WDR4: variants seen among roughly 807,000 people sequenced by gnomAD.
The protein encoded by WDR4 is tRNA (guanine-N(7)-)-methyltransferase non-catalytic subunit WDR4.
Under a neutral mutation model 48.6 loss-of-function variants are expected in WDR4, and 47 were observed. That is an observed-to-expected ratio of 0.97 (90% CI 0.77 to 1.23). The LOEUF (loss-of-function observed/expected upper bound fraction) is 1.23. Ranked by LOEUF, WDR4 falls within the 50% of genes most tolerant of loss-of-function variation. The probability of loss-of-function intolerance (pLI) is 0.00; values close to 1 mark genes in which losing one functional copy is unlikely to be tolerated. For synonymous variants in WDR4, 268 were observed against 230.0 expected (o/e 1.17, Z -1.49); for missense variants, 606 against 551.6 (o/e 1.10, Z -0.99).
rs561879155 is a variant in WDR4 at position 42,858,695 on chromosome 21, C to A, written c.627+967G>T. Among the ~76,000 whole-genome samples the A allele has an allele frequency of 1.4e-4, 22 of 152,272 alleles. 1 individual carries two copies. In the South Asian group the frequency reaches 2.1e-3, roughly 14 times the overall value. ...AAAGACTGGAAGGTGCACAACAAAC[C>A]GCTGACGAAGCCTGACCCTGACCCT... On this transcript the variant is annotated intron_variant, in intron 6 of 10. Transcript: ENST00000398208.
chr21:42,861,595 T>C (rs967143152), intron 5 of WDR4, among the ~76,000 whole-genome samples: 3 of 151,996 alleles, frequency 2.0e-5, no homozygotes, highest in Non-Finnish European at 4.4e-5. Context: ...GCGAACTAAA[T>C]GCAAGTCAGA....
intron 3 of WDR4, among the ~76,000 whole-genome samples, chr21:42,871,560 C>A (rs1276991757): frequency 6.6e-6 from 1 of 152,234 alleles, no homozygotes; most frequent in African/African-American, 2.4e-5. Flanking sequence ...CAAGAGGATG[C>A]CGTTCACAGG....
At chr21:42,892,510 C>T in the WDR4 span, among the ~76,000 whole-genome samples, 1 of 151,844 alleles carries the variant, frequency 6.6e-6, no homozygotes, top group East Asian at 1.9e-4. Context: ...GGAATCCCTA[C>T]ACAATCCATT....
chr21:42,878,815 G>T (rs991098442), intron 1 of WDR4, among the ~76,000 whole-genome samples: 1 of 152,206 alleles, frequency 6.6e-6, no homozygotes, highest in African/African-American at 2.4e-5. Context: ...TGCGCACTGC[G>T]AGCTCCACGT....
intron 1 of WDR4, among the ~76,000 whole-genome samples, chr21:42,878,216 C>T (rs2146116444): frequency 6.6e-6 from 1 of 152,274 alleles, no homozygotes; most frequent in South Asian, 2.1e-4. Flanking sequence ...ATTTTCCATA[C>T]TGAACCTAAA....
intron 6 of WDR4, among the ~76,000 whole-genome samples, chr21:42,857,133 C>G (rs1342871924): frequency 6.6e-6 from 1 of 152,066 alleles, no homozygotes; most frequent in Non-Finnish European, 1.5e-5. Context: ...AACGGGACCT[C>G]CCTGATGCAT....
In WDR4 at chr21:42,872,946, A is replaced by G. The variant is rs78864840; in HGVS notation, c.296+605T>C. On this transcript the variant is annotated intron_variant, in intron 3 of 10. Coordinates refer to ENST00000398208, the MANE Select transcript of WDR4 (RefSeq NM_018669.6). ...AAGCAAAACTCCGTCTCAAAAAAATAAAAAAGGAGGAATAGGGAAGGCAGA... is the reference window on the plus strand; with the variant it reads ...AAGCAAAACTCCGTCTCAAAAAAATGAAAAAGGAGGAATAGGGAAGGCAGA... 2.0e-5 allele frequency among the ~76,000 whole-genome samples: 3 copies of G among 152,202 alleles called. 1 individual carries two copies. The South Asian group carries it at 6.2e-4, about 31-fold the overall frequency.
chr21:42,848,979 G>C (rs1159090817), downstream of WDR4, among the ~76,000 whole-genome samples: 2 of 131,416 alleles, frequency 1.5e-5, no homozygotes, highest in African/African-American at 2.9e-5. Context: ...CACAGCACAC[G>C]ATCACGCAGC....
chr21:42,855,542 T>C (rs2057964517), intron 7 of WDR4, 140 bp downstream of exon 7: 2 of 627,926 alleles, frequency 3.2e-6, no homozygotes, highest in Non-Finnish European at 5.5e-6. Context: ...GAATTTGAAA[T>C]ACGAGATTTC....
Position 42,862,425 on chromosome 21 carries a change from C to G in WDR4, c.454-31G>C. ...TCACCAGGGGCCAGAAAAGAAAAAG[C>G]CGCTCACCTGAGTCTTCCCGAATCA... is the stretch of plus-strand genomic sequence containing the variant. On this transcript the variant is annotated intron_variant, in intron 4 of 10. Transcript: ENST00000398208. This position sits in a 1 kb window ranked among gnomAD's most constrained non-coding sequence, Gnocchi z 4.3. 1 of 1,555,308 alleles carries G rather than the reference C, an allele frequency of 6.4e-7. No individual in the cohort carries two copies. The highest frequency in any genetic ancestry group is 8.7e-7 in the Non-Finnish European group (1 of 1,145,846).
chr21:42,862,389 C>T lies in WDR4; in HGVS notation c.459G>A (p.Val153=). 1 of 1,604,182 alleles carries T rather than the reference C, an allele frequency of 6.2e-7. No homozygotes were observed. The highest frequency in any genetic ancestry group is 8.5e-7 in the Non-Finnish European group (1 of 1,175,282). Residue 153 remains valine (V), a synonymous_variant, in exon 5 of 11, where the codon GTG becomes GTA. Coordinates refer to ENST00000398208, the MANE Select transcript of WDR4 (RefSeq NM_018669.6). This position sits in a 1 kb window ranked among gnomAD's most constrained non-coding sequence, Gnocchi z 4.3. ...GHLSMLLDVA[V]SPDDRFILTA... is the part of the protein sequence containing the mutation. ...TGAGGATGAAGCGGTCATCAGGACTCACAGCCTGCATCACCAGGGGCCAGA... is the reference window on the plus strand; with the variant it reads ...TGAGGATGAAGCGGTCATCAGGACTTACAGCCTGCATCACCAGGGGCCAGA...
At chr21:42,859,912 C>A (rs1175347263) in intron 5 of WDR4, among the ~76,000 whole-genome samples, 190 bp from the exon 6 acceptor site, 1 of 152,054 alleles carries the variant, frequency 6.6e-6, no homozygotes, top group African/African-American at 2.4e-5. Context: ...GTGGAGGCCC[C>A]TGGACGCAGT....
downstream of WDR4, among the ~76,000 whole-genome samples, chr21:42,847,768 A>G (rs2057723568): frequency 1.3e-5 from 2 of 152,226 alleles, no homozygotes; most frequent in African/African-American, 2.4e-5. Context: ...AAATGTAAAA[A>G]AGCCATTCAC....
At chr21:42,853,539 A>G in intron 9 of WDR4, 30 bp downstream of exon 9, 1 of 1,595,432 alleles carries the variant, frequency 6.3e-7, no homozygotes, top group African/African-American at 1.3e-5. Flanking sequence ...AAGGCAGGGC[A>G]TAGGACATCT....
chr21:42,875,099 G>T (rs1170377567), intron 2 of WDR4, among the ~76,000 whole-genome samples: 3 of 152,134 alleles, frequency 2.0e-5, no homozygotes, highest in Non-Finnish European at 4.4e-5. Context: ...AGGGAAAATT[G>T]AAAAGAACCT....
At chr21:42,843,624 A>G (rs1286497974) in intron 11 of WDR4, among the ~76,000 whole-genome samples, 1 of 151,592 alleles carries the variant, frequency 6.6e-6, no homozygotes, top group African/African-American at 2.4e-5. Flanking sequence ...CCCAGGCTGG[A>G]GTACAGTGGC....
At position 42,862,218 on chromosome 21, in the gene WDR4, C is replaced by A; in HGVS notation, c.566+64G>T. On this transcript the variant is annotated intron_variant, in intron 5 of 10. Transcript: ENST00000398208. The surrounding 1 kb of genome is among the most constrained non-coding windows in gnomAD (Gnocchi z 4.3). ...CCAGCTACAACGGCACCTGCTGAGC[C>A]GCAAGCTGACGCTGTTTTCAAACAG... The A allele has an allele frequency of 1.4e-6, 2 of 1,452,506 alleles. No homozygotes were observed. Among genetic ancestry groups the A allele is most frequent in the Non-Finnish European group, 1.9e-6 (2 of 1,070,422 alleles). 90.0% of individuals were successfully genotyped at this position (1,452,506 alleles called of 1,614,324 possible).
intron 1 of WDR4, among the ~76,000 whole-genome samples, chr21:42,877,137 AATT>A: frequency 8.5e-6 from 1 of 117,362 alleles, no homozygotes; most frequent in Non-Finnish European, 1.8e-5. Context: ...GCCTGGCCCT[AATT>A]TTTTTTTTTT....
At chr21:42,852,640 G>C (rs550777420) in intron 9 of WDR4, among the ~76,000 whole-genome samples, 5 of 152,358 alleles carry the variant, frequency 3.3e-5, no homozygotes, top group Admixed American at 3.3e-4. Flanking sequence ...TCCAGGTCAG[G>C]CGCAGTGGCT....
Sources: allele counts gnomAD v4.1 joint callset (sites outside exome capture counted in the v4.1 genomes callset), GRCh38; gene constraint gnomAD v4.1.1; non-coding constraint Gnocchi (gnomAD v3.1); transcripts MANE v1.5; gene names NCBI Gene and HGNC (gene_info 2026-07-23, HGNC 2026-07-21).